The following NEGR1 variants were observed in gnomAD, a reference collection of about 807,000 sequenced individuals.
The protein encoded by NEGR1 is neuronal growth regulator 1.
NEGR1 carries 10 observed loss-of-function variants against 40.9 expected under a neutral mutation model. The ratio of observed to expected loss-of-function variants is 0.24; its 90% CI spans 0.15 to 0.42. The LOEUF (loss-of-function observed/expected upper bound fraction) is 0.42, where lower values mean the gene tolerates loss of function less well. Among genes scored for constraint, NEGR1 ranks in the 10% least tolerant of loss-of-function variants. The pLI, the probability that NEGR1 is intolerant of heterozygous loss-of-function variation, is 1.00. For missense variants in NEGR1, 352 were observed against 438.9 expected (o/e 0.80, Z 1.77); for synonymous variants, 185 against 166.8 (o/e 1.11, Z -0.84).
At chr1:71,800,025 T>G (rs1657497662) in intron 2 of NEGR1, among the ~76,000 whole-genome samples, 1 of 152,220 alleles carries the variant, frequency 6.6e-6, no homozygotes, top group African/African-American at 2.4e-5. Context: ...TCCTGACTTT[T>G]TAATGATCGC....
intron 2 of NEGR1, among the ~76,000 whole-genome samples, chr1:71,844,683 C>A (rs568501028): frequency 6.6e-6 from 1 of 152,190 alleles, no homozygotes. Context: ...CAGGATACTA[C>A]GCCTCAGGCT....
chr1:71,424,956 C>A (rs1482757776), intron 6 of NEGR1, among the ~76,000 whole-genome samples: 1 of 152,108 alleles, frequency 6.6e-6, no homozygotes, highest in Non-Finnish European at 1.5e-5. Context: ...GACTTATAGA[C>A]CTGAAAGTAA....
chr1:72,174,474 T>C (rs1178526905), intron 1 of NEGR1, among the ~76,000 whole-genome samples: 1 of 152,204 alleles, frequency 6.6e-6, no homozygotes, highest in Non-Finnish European at 1.5e-5. Context: ...AAAATTCCTC[T>C]GTGTGCTGTC....
Position 71,561,845 on chromosome 1 carries a change from T to A in NEGR1, c.940+30972A>T, listed in dbSNP as rs552452725. Among the ~76,000 whole-genome samples, 6 of 151,526 alleles carry A rather than the reference T, an allele frequency of 4.0e-5. No individual in the cohort carries two copies. The East Asian group carries it at 5.9e-4, about 15-fold the overall frequency. ...AAAGTGACACAGTATTCTTTTTAGA[T>A]CTTTCTTTCATGAATATGCATAAAT... is the stretch of plus-strand genomic sequence containing the variant. On this transcript the variant is annotated intron_variant, in intron 6 of 6. Transcript: ENST00000357731.
chr1:71,605,415 A>C (rs1444045385), intron 5 of NEGR1, among the ~76,000 whole-genome samples: 3 of 152,200 alleles, frequency 2.0e-5, no homozygotes, highest in Non-Finnish European at 4.4e-5. Flanking sequence ...TCAACGGTGC[A>C]GGCAAAATAA....
At chr1:71,992,832 C>A (rs1646467397) in intron 1 of NEGR1, among the ~76,000 whole-genome samples, 1 of 152,070 alleles carries the variant, frequency 6.6e-6, no homozygotes, top group South Asian at 2.1e-4. Context: ...AATCTGTTTG[C>A]GTGTTTGTTT....
intron 2 of NEGR1, among the ~76,000 whole-genome samples, chr1:71,829,209 T>C (rs1658750915): frequency 6.6e-6 from 1 of 151,960 alleles, no homozygotes; most frequent in Admixed American, 6.6e-5. Context: ...TCAACGTTTT[T>C]TGTTGTATCA....
intron 1 of NEGR1, among the ~76,000 whole-genome samples, chr1:72,006,413 T>A (rs1033777197): frequency 1.3e-5 from 2 of 152,108 alleles, no homozygotes; most frequent in Non-Finnish European, 2.9e-5. Context: ...CACCACAAAA[T>A]GTAATATATG....
At chr1:72,178,695 TTTTG>T (rs974289460) in intron 1 of NEGR1, among the ~76,000 whole-genome samples, 33 of 151,868 alleles carry the variant, frequency 2.2e-4, no homozygotes, top group East Asian at 7.7e-4. Flanking sequence ...GTCTGTTTTT[TTTTG>T]TTTGTTTGTT....
rs147873901 is a variant in NEGR1, at chr1:72,216,936, T to G, written c.176+65383A>C. Among the ~76,000 whole-genome samples, 1,047 of 151,444 alleles carry G rather than the reference T, an allele frequency of 6.9e-3. 9 individuals carry two copies. The highest frequency in any genetic ancestry group is 0.024 in the African/African-American group (982 of 41,446). Reference sequence around the variant, plus strand: ...TCTTGTCATTCTTTATATACTTAATTTATTCAGTATTTATATATTTAATAT... The same window carrying G: ...TCTTGTCATTCTTTATATACTTAATGTATTCAGTATTTATATATTTAATAT... On this transcript the variant is annotated intron_variant, in intron 1 of 6. Coordinates refer to ENST00000357731, the MANE Select transcript of NEGR1 (RefSeq NM_173808.3).
chr1:71,721,644 G>A (rs1033424433), intron 3 of NEGR1, among the ~76,000 whole-genome samples: 7 of 152,080 alleles, frequency 4.6e-5, no homozygotes, highest in Non-Finnish European at 1.0e-4. Context: ...AGGATGTTTA[G>A]AGCATCTGTG....
intron 5 of NEGR1, among the ~76,000 whole-genome samples, chr1:71,608,175 C>T (rs950580785): frequency 9.2e-5 from 14 of 152,084 alleles, no homozygotes; most frequent in Non-Finnish European, 1.6e-4. Context: ...TTGAGTATTG[C>T]CTCAAATATA....
intron 4 of NEGR1, among the ~76,000 whole-genome samples, chr1:71,628,434 C>A (rs1650859777): frequency 6.6e-6 from 1 of 151,920 alleles, no homozygotes; most frequent in Non-Finnish European, 1.5e-5. Flanking sequence ...AAAAATTATA[C>A]TTTAAGTTCT....
At chr1:72,170,529 C>T (rs1049020407) in intron 1 of NEGR1, among the ~76,000 whole-genome samples, 1 of 152,122 alleles carries the variant, frequency 6.6e-6, no homozygotes, top group Non-Finnish European at 1.5e-5. Flanking sequence ...TAAGCTTTAT[C>T]ATTCTTGAAA....
chr1:72,036,768 CAT>C (rs938881380), intron 1 of NEGR1, among the ~76,000 whole-genome samples: 3 of 150,978 alleles, frequency 2.0e-5, no homozygotes, highest in Non-Finnish European at 2.9e-5. Context: ...TTTAACTTTA[CAT>C]ATATATATGA....
At chr1:72,200,146 T>G (rs576422017) in intron 1 of NEGR1, among the ~76,000 whole-genome samples, 1 of 152,044 alleles carries the variant, frequency 6.6e-6, no homozygotes, top group African/African-American at 2.4e-5. Context: ...AACTATAATT[T>G]GACCTAGCAA....
chr1:71,765,334 T>G (rs1656084010), intron 3 of NEGR1, among the ~76,000 whole-genome samples: 1 of 152,054 alleles, frequency 6.6e-6, no homozygotes, highest in African/African-American at 2.4e-5. Context: ...TCTCAACAAC[T>G]TTTTGCAGGG....
At chr1:71,975,244 G>A (rs562469017) in intron 1 of NEGR1, among the ~76,000 whole-genome samples, 70 of 152,166 alleles carry the variant, frequency 4.6e-4, no homozygotes, top group Admixed American at 1.0e-3. Context: ...GGGGAGGCAG[G>A]TGGGGCATTG....
chr1:72,124,365 C>A (rs913317170), intron 1 of NEGR1, among the ~76,000 whole-genome samples: 2 of 151,638 alleles, frequency 1.3e-5, no homozygotes, highest in African/African-American at 4.8e-5. Context: ...TGGAAAAATC[C>A]CTAGAGTTAA....
Sources: allele counts gnomAD v4.1 joint callset (sites outside exome capture counted in the v4.1 genomes callset), GRCh38; gene constraint gnomAD v4.1.1; transcripts MANE v1.5; gene names NCBI Gene and HGNC (gene_info 2026-07-23, HGNC 2026-07-21).